Variants in MDGA2 observed in about 807,000 individuals in gnomAD.
MDGA2 encodes the protein MAM domain-containing glycosylphosphatidylinositol anchor protein 2.
In MDGA2, 40 loss-of-function variants were observed where a neutral mutation model predicts 117.8. That is an observed-to-expected ratio of 0.34 (90% CI 0.26 to 0.44). MDGA2 has a LOEUF of 0.44. Ranked by LOEUF, MDGA2 falls within the 20% of genes least tolerant of loss-of-function variation. The probability of loss-of-function intolerance (pLI) is 1.00; values close to 1 mark genes in which losing one functional copy is unlikely to be tolerated. For synonymous variants in MDGA2, 452 were observed against 439.0 expected (o/e 1.03, Z -0.37); for missense variants, 1,123 against 1,250.6 (o/e 0.90, Z 1.54).
At chr14:47,610,771 T>C (rs1896833098) in intron 1 of MDGA2, among the ~76,000 whole-genome samples, 1 of 151,744 alleles carries the variant, frequency 6.6e-6, no homozygotes, top group Admixed American at 6.6e-5. Context: ...ATGGTGAAAA[T>C]AACCATACTG....
chr14:47,301,577 A>G, intron 1 of MDGA2, 27 bp from the exon 2 acceptor site: 1 of 1,551,256 alleles, frequency 6.4e-7, no homozygotes, highest in Non-Finnish European at 8.7e-7. Flanking sequence ...AAGAGAGACA[A>G]GATACATGAA....
chr14:47,441,661 G>C (rs1468439337), intron 1 of MDGA2, among the ~76,000 whole-genome samples: 2 of 152,086 alleles, frequency 1.3e-5, no homozygotes, highest in Admixed American at 6.6e-5. Flanking sequence ...TTGAAAATCA[G>C]ATTTGTCATG....
intron 8 of MDGA2, among the ~76,000 whole-genome samples, chr14:46,999,865 A>T (rs1010619831): frequency 6.6e-6 from 1 of 152,084 alleles, no homozygotes; most frequent in Non-Finnish European, 1.5e-5. Flanking sequence ...GACATGTAAG[A>T]TCATCTGCTC....
At chr14:47,311,237 T>C (rs968532832) in intron 1 of MDGA2, among the ~76,000 whole-genome samples, 1 of 152,182 alleles carries the variant, frequency 6.6e-6, no homozygotes, top group Non-Finnish European at 1.5e-5. Context: ...GTCTTATCAT[T>C]GTGCTCCAAC....
chr14:47,626,334 C>T (rs1271421087), intron 1 of MDGA2: 1 of 152,486 alleles, frequency 6.6e-6, no homozygotes, highest in Non-Finnish European at 1.5e-5. Flanking sequence ...AGTCTTCAGC[C>T]TTACCTGCCT....
At chr14:47,049,595 C>T (rs1000507154) in intron 7 of MDGA2, among the ~76,000 whole-genome samples, 7 of 151,928 alleles carry the variant, frequency 4.6e-5, no homozygotes, top group African/African-American at 1.7e-4. Flanking sequence ...AGTTTTGTTA[C>T]ATGAGTATAT....
chr14:47,033,334 C>CCG (rs1555345007), intron 8 of MDGA2, among the ~76,000 whole-genome samples: 1 of 151,968 alleles, frequency 6.6e-6, no homozygotes, highest in Non-Finnish European at 1.5e-5. Context: ...TTACTAGTAT[C>CCG]AGCTTCTGCA....
chr14:46,892,065 T>C (rs894932387), intron 10 of MDGA2, among the ~76,000 whole-genome samples: 9 of 151,842 alleles, frequency 5.9e-5, no homozygotes, highest in Non-Finnish European at 2.9e-5. Flanking sequence ...GTGACAACTT[T>C]ATTAAAAATG....
At chr14:46,964,344 T>G (rs1885931744) in intron 8 of MDGA2, among the ~76,000 whole-genome samples, 1 of 152,172 alleles carries the variant, frequency 6.6e-6, no homozygotes, top group Non-Finnish European at 1.5e-5. Context: ...TTGGAGTAGT[T>G]TGTTACATAG....
chr14:47,381,941 A>C (rs1477483092), intron 1 of MDGA2, among the ~76,000 whole-genome samples: 1 of 152,226 alleles, frequency 6.6e-6, no homozygotes, highest in Non-Finnish European at 1.5e-5. Context: ...TGGAGGCATC[A>C]CACTACCTGA....
intron 1 of MDGA2, among the ~76,000 whole-genome samples, chr14:47,540,563 T>TAC (rs1555330674): frequency 0.12 from 13,351 of 112,248 alleles, 1,422 homozygotes; most frequent in Non-Finnish European, 0.17. Flanking sequence ...TGTATATATA[T>TAC]ACACACACAC....
chr14:47,661,430 T>A (rs1372946706), intron 1 of MDGA2, among the ~76,000 whole-genome samples: 1 of 152,188 alleles, frequency 6.6e-6, no homozygotes, highest in African/African-American at 2.4e-5. Context: ...TCTTTAATTA[T>A]TTTTCAATTA....
chr14:47,494,700 A>C (rs1894242286), intron 1 of MDGA2, among the ~76,000 whole-genome samples: 2 of 151,842 alleles, frequency 1.3e-5, no homozygotes. Context: ...TGATGTTTGT[A>C]TATGGTGAGA....
At chr14:47,247,251 A>C (rs1435014635) in intron 2 of MDGA2, among the ~76,000 whole-genome samples, 2 of 151,494 alleles carry the variant, frequency 1.3e-5, no homozygotes, top group East Asian at 3.9e-4. Context: ...CCGGGTGTGG[A>C]GACAGAAATA....
chr14:46,985,452 C>T (rs918879108), intron 8 of MDGA2, among the ~76,000 whole-genome samples: 4 of 151,854 alleles, frequency 2.6e-5, no homozygotes, highest in Admixed American at 6.6e-5. Context: ...GTTTTTATGT[C>T]CCATGGGATG....
chr14:47,000,336 TA>T (rs1887460288), intron 8 of MDGA2, among the ~76,000 whole-genome samples: 5 of 103,208 alleles, frequency 4.8e-5, no homozygotes, highest in Non-Finnish European at 1.0e-4. Context: ...TATATATTTA[TA>T]TATATATATA....
At chr14:47,318,373 T>C (rs1889872502) in intron 1 of MDGA2, among the ~76,000 whole-genome samples, 1 of 152,136 alleles carries the variant, frequency 6.6e-6, no homozygotes, top group African/African-American at 2.4e-5. Context: ...GCATGCATGT[T>C]GTTCTCCCTA....
chr14:46,982,265 G>A (rs1006767835), intron 8 of MDGA2, among the ~76,000 whole-genome samples: 1 of 151,618 alleles, frequency 6.6e-6, no homozygotes, highest in African/African-American at 2.4e-5. Flanking sequence ...GTGTAAAGGA[G>A]GTCCATAAAT....
chr14:47,525,141 T>C (rs1011250963), intron 1 of MDGA2, among the ~76,000 whole-genome samples: 1 of 152,198 alleles, frequency 6.6e-6, no homozygotes, highest in Non-Finnish European at 1.5e-5. Flanking sequence ...CCTAACTCTG[T>C]CCTCTGGATA....
Sources: allele counts gnomAD v4.1 joint callset (sites outside exome capture counted in the v4.1 genomes callset), GRCh38; gene constraint gnomAD v4.1.1; transcripts MANE v1.5; gene names NCBI Gene and HGNC (gene_info 2026-07-23, HGNC 2026-07-21).